The following TRPC4 variants were observed in gnomAD, a reference collection of about 807,000 sequenced individuals.
TRPC4 encodes the protein short transient receptor potential channel 4.
TRPC4 carries 49 observed loss-of-function variants against 99.4 expected under a neutral mutation model. The observed-to-expected ratio is 0.49, with a 90% CI of 0.39 to 0.63. The LOEUF (loss-of-function observed/expected upper bound fraction) is 0.63. TRPC4 is among the 20% of genes least tolerant of loss of function. The probability of loss-of-function intolerance (pLI) is 0.00; values close to 1 mark genes in which losing one functional copy is unlikely to be tolerated. For synonymous variants in TRPC4, 454 were observed against 425.9 expected, an observed-to-expected ratio of 1.07 and a Z score of -0.81; for missense variants, 898 against 1,152.9, an observed-to-expected ratio of 0.78 and a Z score of 3.20.
intron 4 of TRPC4, among the ~76,000 whole-genome samples, chr13:37,683,328 G>A (rs1238161151): frequency 6.6e-6 from 1 of 152,100 alleles, no homozygotes; most frequent in African/African-American, 2.4e-5. Flanking sequence ...GGTAGCCCAT[G>A]GCAGTCTGGC....
intron 1 of TRPC4, among the ~76,000 whole-genome samples, chr13:37,826,892 C>A (rs1958238723): frequency 6.6e-6 from 1 of 152,138 alleles, no homozygotes; most frequent in Admixed American, 6.5e-5. Context: ...CCATTCTCTC[C>A]ACCACTTTCA....
At chr13:37,743,806 C>T (rs920941261) in intron 3 of TRPC4, among the ~76,000 whole-genome samples, 2 of 152,132 alleles carry the variant, frequency 1.3e-5, no homozygotes, top group African/African-American at 4.8e-5. Flanking sequence ...TCAGTTAATG[C>T]AATATCATTG....
chr13:37,853,660 A>G (rs1314502009), intron 1 of TRPC4, among the ~76,000 whole-genome samples: 1 of 152,152 alleles, frequency 6.6e-6, no homozygotes, highest in Non-Finnish European at 1.5e-5. Flanking sequence ...TTTTAAGGAA[A>G]CTCAAAGAAA....
intron 3 of TRPC4, among the ~76,000 whole-genome samples, chr13:37,745,457 T>TGCATATATATATATATATATATGC (rs1555265714): frequency 1.2e-4 from 1 of 8,022 alleles, no homozygotes; most frequent in Admixed American, 2.0e-3. Flanking sequence ...TATATATATA[T>TGCATATATATATATATATATATGC]ATATATATAT....
chr13:37,773,680 G>C (rs7490383), intron 2 of TRPC4, among the ~76,000 whole-genome samples: 72,773 of 151,462 alleles, frequency 0.48, 17,708 homozygotes, highest in Middle Eastern at 0.53. Flanking sequence ...TACCACAAGG[G>C]TTGTTATGAG....
intron 6 of TRPC4, among the ~76,000 whole-genome samples, chr13:37,660,476 C>A (rs1952396568): frequency 6.6e-6 from 1 of 152,040 alleles, no homozygotes; most frequent in African/African-American, 2.4e-5. Flanking sequence ...AATAAGATAT[C>A]TTGTATAGGC....
At chr13:37,770,164 A>G (rs1202143480) in intron 2 of TRPC4, among the ~76,000 whole-genome samples, 4 of 151,496 alleles carry the variant, frequency 2.6e-5, no homozygotes, top group African/African-American at 9.7e-5. Flanking sequence ...GATAAATATG[A>G]CAAATATGAC....
Position 37,780,356 on chromosome 13 carries a change from T to C in TRPC4, c.378+2600A>G, listed in dbSNP as rs1383260326. 4.8e-5 allele frequency among the ~76,000 whole-genome samples: 6 copies of C among 125,386 alleles called. 1 individual carries two copies. Among genetic ancestry groups the C allele is most frequent in the Admixed American group, 4.6e-4 (5 of 10,938 alleles). 82.3% of individuals were successfully genotyped at this position (125,386 alleles called of 152,430 possible). Reference sequence around the variant, plus strand: ...CTCTTTCTTAACTCATTTTAGGATGTTACATTTATTTTGTTCAGTTGGATA... The same window carrying C: ...CTCTTTCTTAACTCATTTTAGGATGCTACATTTATTTTGTTCAGTTGGATA... On this transcript the variant is annotated intron_variant, in intron 2 of 10. Coordinates refer to ENST00000379705, the MANE Select transcript of TRPC4 (RefSeq NM_016179.4).
intron 2 of TRPC4, among the ~76,000 whole-genome samples, chr13:37,753,130 G>A (rs1050066593): frequency 1.3e-5 from 2 of 151,956 alleles, no homozygotes; most frequent in Admixed American, 6.6e-5. Context: ...GATTTGAGGA[G>A]GTGTTTATAT....
rs939001194 is a variant in TRPC4, at chr13:37,674,327, T to C, written c.1275A>G (p.Gly425=). The C allele has an allele frequency of 2.5e-6, 4 of 1,608,086 alleles. No homozygotes were observed. The highest frequency in any genetic ancestry group is 3.4e-5 in the Admixed American group (2 of 59,314). The change falls in exon 5 of 11, where the codon GGA becomes GGG. Residue 425 remains glycine, a synonymous_variant. Coordinates refer to ENST00000379705, the MANE Select transcript of TRPC4 (RefSeq NM_016179.4). ...ACCAATCATGGATGTAGTCCTGAAG[T>C]CCGCCATCCCACATCTGTTTAATTT... ...WGEIKQMWDG[G]LQDYIHDWWN...
In TRPC4 at chr13:37,746,000, T is replaced by G; in HGVS notation, c.834A>C (p.Ile278=). 1 of 1,613,910 alleles carries G rather than the reference T, an allele frequency of 6.2e-7. No homozygotes were observed. Among genetic ancestry groups the G allele is most frequent in the Non-Finnish European group, 8.5e-7 (1 of 1,179,840 alleles). ...ILNYRDDNSL[I]EEQSGNDLAR... ...CAAGATCATTTCCACTTTGTTCTTC[T>G]ATGAGACTATTGTCATCTCGGTAAT... The change falls in exon 3 of 11, where the codon ATA becomes ATC. Residue 278 remains isoleucine, a synonymous_variant. Coordinates refer to ENST00000379705, the MANE Select transcript of TRPC4 (RefSeq NM_016179.4).
At chr13:37,735,412 A>G (rs1955366100) in intron 3 of TRPC4, among the ~76,000 whole-genome samples, 1 of 152,214 alleles carries the variant, frequency 6.6e-6, no homozygotes. Context: ...AAAGCTGGCA[A>G]TTCTGGTGTT....
chr13:37,686,951 GTTCT>G (rs927410693), intron 4 of TRPC4, among the ~76,000 whole-genome samples: 14 of 150,526 alleles, frequency 9.3e-5, no homozygotes, highest in African/African-American at 2.7e-4. Flanking sequence ...CTTCATTAAA[GTTCT>G]TTCTTTCTTT....
intron 2 of TRPC4, among the ~76,000 whole-genome samples, chr13:37,769,740 G>T (rs897264957): frequency 4.0e-5 from 6 of 151,456 alleles, no homozygotes; most frequent in African/African-American, 1.2e-4. Flanking sequence ...CAACAAGTTT[G>T]TCTCTTATAT....
At chr13:37,772,829 T>A (rs981375000) in intron 2 of TRPC4, among the ~76,000 whole-genome samples, 1 of 151,764 alleles carries the variant, frequency 6.6e-6, no homozygotes, top group African/African-American at 2.4e-5. Flanking sequence ...TCCCAGAGTC[T>A]GTCAACTTGC....
At chr13:37,691,245 G>A (rs1312701281) in intron 4 of TRPC4, among the ~76,000 whole-genome samples, 1 of 152,052 alleles carries the variant, frequency 6.6e-6, no homozygotes, top group African/African-American at 2.4e-5. Context: ...GGGACTACAG[G>A]CGCCCGCCAC....
chr13:37,682,850 T>G (rs1953296563), intron 4 of TRPC4, among the ~76,000 whole-genome samples: 1 of 151,466 alleles, frequency 6.6e-6, no homozygotes, highest in Non-Finnish European at 1.5e-5. Flanking sequence ...CCTGAGCTCA[T>G]GCAATGCTCC....
At chr13:37,681,445 G>A (rs1566091931) in intron 4 of TRPC4, among the ~76,000 whole-genome samples, 1 of 152,028 alleles carries the variant, frequency 6.6e-6, no homozygotes, top group African/African-American at 2.4e-5. Context: ...ATGTGGTAAT[G>A]TGTTGGTATC....
In TRPC4 at chr13:37,746,359, T is replaced by A; in HGVS notation, c.475A>T (p.Lys159Ter). The A allele has an allele frequency of 6.2e-7, 1 of 1,613,848 alleles. No homozygotes were observed. The highest frequency in any genetic ancestry group is 1.1e-5 in the South Asian group (1 of 91,078). ...AAHTNNYEIIKLLVQKGVSVP... is the reference protein window; with the variant it reads ...AAHTNNYEII ...GAGACTCCTTTCTGAACCAAGAGTT[T>A]TATTATCTCATAATTATTTGTATGG... is the stretch of plus-strand genomic sequence containing the variant. The change falls in exon 3 of 11, where the codon AAA (lysine) becomes TAA (stop). Residue 159 changes from lysine to a stop codon, truncating the protein, a stop_gained. Transcript: ENST00000379705. LOFTEE classifies it high-confidence loss of function.
Sources: gnomAD v4.1 joint callset for allele counts (sites outside exome capture counted in the v4.1 genomes callset) on GRCh38, gnomAD v4.1.1 for gene constraint, MANE v1.5 for transcripts, NCBI Gene and HGNC (gene_info 2026-07-23, HGNC 2026-07-21) for gene names.